Variants in PCDHGA7 observed in about 807,000 individuals in gnomAD.
PCDHGA7 encodes the protein protocadherin gamma subfamily A, 7.
PCDHGA7 carries 44 observed loss-of-function variants against 58.3 expected under a neutral mutation model. The ratio of observed to expected loss-of-function variants is 0.75; its 90% confidence interval spans 0.59 to 0.97. The LOEUF (loss-of-function observed/expected upper bound fraction) is 0.97, where lower values mean the gene tolerates loss of function less well. Among genes scored for constraint, PCDHGA7 ranks in the 50% least tolerant of loss-of-function variants. PCDHGA7 has a pLI of 0.00. For synonymous variants in PCDHGA7, 516 were observed against 504.2 expected, an observed-to-expected ratio of 1.02 and a Z score of -0.31; for missense variants, 1,266 against 1,188.7, an observed-to-expected ratio of 1.06 and a Z score of -0.96.
At chr5:141,411,417 C>T (rs2095487286) in intron 1 of PCDHGA7, 1 of 148,614 alleles carries the variant, frequency 6.7e-6, no homozygotes, top group Non-Finnish European at 1.5e-5. Context: ...ACTAAAACAA[C>T]AACAACAAAA....
intron 1 of PCDHGA7, chr5:141,400,128 G>A: frequency 6.2e-7 from 1 of 1,614,080 alleles, no homozygotes; most frequent in South Asian, 1.1e-5. Flanking sequence ...TGCAGGAGGT[G>A]CTGCCGGATA....
At chr5:141,425,448 C>G (rs897473729) in intron 1 of PCDHGA7, among the ~76,000 whole-genome samples, 1 of 152,164 alleles carries the variant, frequency 6.6e-6, no homozygotes, top group African/African-American at 2.4e-5. Flanking sequence ...AAATAAAACA[C>G]CATCACATTT....
Position 141,384,211 on chromosome 5 carries a change from A to G in PCDHGA7, c.1312A>G (p.Ile438Val), listed in dbSNP as rs1779844245. The change falls in exon 1 of 4, where the codon ATA (isoleucine) becomes GTA (valine). Residue 438 changes from isoleucine (I) to valine (V), a missense_variant. By Grantham distance (29) the Ile-to-Val change is conservative. Transcript: ENST00000518325. The stretch of plus-strand genomic sequence containing the variant: ...TCCTCCCTTGTCCAGGGAAACTCAC[A>G]TATTCATGCAGGTGGCAGACACCAA... ...GTPPLSRETHIFMQVADTNDN... is the reference protein window; with the variant it reads ...GTPPLSRETHVFMQVADTNDN... The G allele has an allele frequency of 6.2e-7, 1 of 1,613,880 alleles. No individual in the cohort carries two copies. Among genetic ancestry groups the G allele is most frequent in the Non-Finnish European group, 8.5e-7 (1 of 1,179,872 alleles).
chr5:141,400,798 A>G (rs2094077333), intron 1 of PCDHGA7: 2 of 559,100 alleles, frequency 3.6e-6, no homozygotes, highest in Non-Finnish European at 6.3e-6. Flanking sequence ...TCTTTCTCAA[A>G]GCTAATGAAT....
intron 1 of PCDHGA7, chr5:141,393,455 C>T (rs1007871650): frequency 2.1e-5 from 34 of 1,613,942 alleles, no homozygotes; most frequent in Non-Finnish European, 2.9e-5. Flanking sequence ...TCCTCACGGC[C>T]TCGGATGGCG....
Position 141,433,359 on chromosome 5 carries a change from CTAT to C in PCDHGA7, c.2424+48037_2424+48039del, listed in dbSNP as rs2097588942. 4 of 228,708 alleles carry C rather than the reference CTAT, an allele frequency of 1.7e-5. No homozygotes were observed. In the African/African-American group the frequency reaches 3.4e-4, roughly 19 times the overall value. The allele number at this position is 228,708 out of a possible 1,614,324, so 14.2% of individuals were successfully genotyped here. ...CAGGTGCAAGCCACCTACTGTCTGC[CTAT>C]CTATCTATCTATCTATCTATCTATC... On this transcript the variant is annotated intron_variant, in intron 1 of 3. Coordinates refer to ENST00000518325, the MANE Select transcript of PCDHGA7 (RefSeq NM_018920.4).
intron 2 of PCDHGA7, among the ~76,000 whole-genome samples, chr5:141,504,118 G>A (rs948008198): frequency 6.6e-6 from 1 of 152,096 alleles, no homozygotes; most frequent in African/African-American, 2.4e-5. Flanking sequence ...GTGTGCCAGG[G>A]CTGTTTCCCG....
In PCDHGA7 at chr5:141,383,085, C is replaced by T. The variant is rs773972778; in HGVS notation, c.186C>T (p.Arg62=). ...TGGAGCCCCGGGAGCTGGCGGAGCG[C>T]GGAGTCCGCATCATCTCCAGAGGTA... ...LGLEPRELAE[R]GVRIISRGRT... is the part of the protein sequence containing the mutation. The change falls in exon 1 of 4, where the codon CGC becomes CGT. Residue 62 remains arginine (R), a synonymous_variant. Coordinates refer to ENST00000518325, the MANE Select transcript of PCDHGA7 (RefSeq NM_018920.4). 1 of 1,613,744 alleles carries T rather than the reference C, an allele frequency of 6.2e-7. No individual in the cohort carries two copies. Among genetic ancestry groups the T allele is most frequent in the Non-Finnish European group, 8.5e-7 (1 of 1,179,896 alleles).
intron 1 of PCDHGA7, among the ~76,000 whole-genome samples, chr5:141,433,397 A>ATCTC (rs1179042498): frequency 6.6e-6 from 1 of 150,410 alleles, no homozygotes; most frequent in African/African-American, 2.5e-5. Flanking sequence ...CTATCTATCT[A>ATCTC]TCTATCTATT....
intron 1 of PCDHGA7, chr5:141,408,016 A>G (rs991619128): frequency 9.9e-7 from 1 of 1,014,516 alleles, no homozygotes; most frequent in Admixed American, 3.2e-5. Flanking sequence ...TGCGCAGCCA[A>G]CAACAGAAAG....
In PCDHGA7 at chr5:141,485,770, T is replaced by A. The variant is rs1199757869; in HGVS notation, c.2425-9037T>A. The A allele has an allele frequency of 6.2e-7, 1 of 1,614,180 alleles. No homozygotes were observed. The highest frequency in any genetic ancestry group is 1.1e-5 in the South Asian group (1 of 91,080). On this transcript the variant is annotated intron_variant, in intron 1 of 3. Transcript: ENST00000518325. This position sits in a 1 kb window ranked among gnomAD's most constrained non-coding sequence, Gnocchi z 5.7. ...TCCCAGAGCTGCTCCTGGAGAAGCC[T>A]TTGGATCGAGAGAAGCAATCGGACT... is the stretch of plus-strand genomic sequence containing the variant.
intron 3 of PCDHGA7, among the ~76,000 whole-genome samples, chr5:141,509,685 A>G (rs923641083): frequency 6.6e-6 from 1 of 152,166 alleles, no homozygotes. Flanking sequence ...TCTTCTGTAC[A>G]GTGGGACGTT....
rs143638501 is a variant in PCDHGA7, at chr5:141,486,817, T to C, written c.2425-7990T>C. On this transcript the variant is annotated intron_variant, in intron 1 of 3. Coordinates refer to ENST00000518325, the MANE Select transcript of PCDHGA7 (RefSeq NM_018920.4). This position sits in a 1 kb window ranked among gnomAD's most constrained non-coding sequence, Gnocchi z 5.0. ...GGGGCAACCCACCCCTTAGCAGCACTGTAACAGTTCGTCTATTTGTGCTGG... is the reference window on the plus strand; with the variant it reads ...GGGGCAACCCACCCCTTAGCAGCACCGTAACAGTTCGTCTATTTGTGCTGG... 153 of 1,614,220 alleles carry C rather than the reference T, an allele frequency of 9.5e-5. 1 individual carries two copies. In the African/African-American group the frequency reaches 1.4e-3, roughly 15 times the overall value.
intron 1 of PCDHGA7, among the ~76,000 whole-genome samples, chr5:141,437,668 G>T (rs72790049): frequency 3.1e-4 from 47 of 151,868 alleles, no homozygotes; most frequent in Non-Finnish European, 6.0e-4. Context: ...TCGAAGAGAT[G>T]TTGATCAAAC....
intron 1 of PCDHGA7, chr5:141,395,102 G>C: frequency 6.2e-7 from 1 of 1,614,172 alleles, no homozygotes; most frequent in Non-Finnish European, 8.5e-7. Flanking sequence ...CCGCCGACTC[G>C]CGGAAGAGTC....
Position 141,487,858 on chromosome 5 carries a change from G to C in PCDHGA7, c.2425-6949G>C, listed in dbSNP as rs575288726. Reference sequence around the variant, plus strand: ...ATCTGAGTAAGAAATGAAAGTAATTGGTGATCAAGAGCCAGGCTGTTGTGG... The same window carrying C: ...ATCTGAGTAAGAAATGAAAGTAATTCGTGATCAAGAGCCAGGCTGTTGTGG... On this transcript the variant is annotated intron_variant, in intron 1 of 3. Transcript: ENST00000518325. The surrounding 1 kb of genome is among the most constrained non-coding windows in gnomAD (Gnocchi z 5.0). The C allele has an allele frequency of 3.8e-5, 36 of 953,250 alleles. No individual in the cohort carries two copies. The Middle Eastern group carries it at 1.3e-3, about 35-fold the overall frequency. 59.0% of individuals were successfully genotyped at this position (953,250 alleles called of 1,614,324 possible). A position where few individuals can be genotyped will look rare whatever the true frequency, so the allele number is the denominator to read the frequency against.
In PCDHGA7 at chr5:141,490,761, G is replaced by GTA. The variant is rs1380770489; in HGVS notation, c.2425-4044_2425-4043dup. The GTA allele has an allele frequency of 6.2e-7, 1 of 1,614,048 alleles. No individual in the cohort carries two copies. The highest frequency in any genetic ancestry group is 1.3e-5 in the African/African-American group (1 of 74,920). On this transcript the variant is annotated intron_variant, in intron 1 of 3. Coordinates refer to ENST00000518325, the MANE Select transcript of PCDHGA7 (RefSeq NM_018920.4). The surrounding 1 kb of genome is among the most constrained non-coding windows in gnomAD (Gnocchi z 5.4). ...AGGGAGCCCCAGCCTCCTCCTTTGT[G>GTA]TATGTCAACCCAGAGGATGGACGGA...
At chr5:141,454,931 C>T (rs2154564856) in intron 1 of PCDHGA7, among the ~76,000 whole-genome samples, 2 of 151,066 alleles carry the variant, frequency 1.3e-5, no homozygotes, top group South Asian at 4.2e-4. Context: ...CCTCAGCCTC[C>T]CGAGTAGCTG....
intron 2 of PCDHGA7, among the ~76,000 whole-genome samples, chr5:141,501,802 C>T (rs2099811151): frequency 1.3e-5 from 2 of 152,154 alleles, no homozygotes; most frequent in Non-Finnish European, 2.9e-5. Context: ...ATCTCTTACC[C>T]AGCTTCACAT....
Sources: allele counts gnomAD v4.1 joint callset (sites outside exome capture counted in the v4.1 genomes callset), GRCh38; gene constraint gnomAD v4.1.1; non-coding constraint Gnocchi (gnomAD v3.1); transcripts MANE v1.5; gene names NCBI Gene and HGNC (gene_info 2026-07-23, HGNC 2026-07-21).